Variants in ARSF observed in about 807,000 individuals in gnomAD.
The protein encoded by ARSF is arylsulfatase F.
Under a neutral mutation model 35.4 loss-of-function variants are expected in ARSF, and 33 were observed. The observed-to-expected ratio is 0.93, with a 90% CI of 0.71 to 1.25. The LOEUF (loss-of-function observed/expected upper bound fraction) is 1.25, where lower values mean the gene tolerates loss of function less well. Among genes scored for constraint, ARSF ranks in the 50% most tolerant of loss-of-function variants. The pLI is 0.00. For synonymous variants in ARSF, 222 were observed against 193.1 expected (o/e 1.15, Z -1.24); for missense variants, 501 against 480.2 (o/e 1.04, Z -0.40).
chrX:3,080,228 C>T (rs904469229), intron 4 of ARSF, among the ~76,000 whole-genome samples: 5 of 83,999 alleles, frequency 6.0e-5, no homozygotes, highest in Non-Finnish European at 1.2e-4. Flanking sequence ...GTAATCCCAG[C>T]ACTTTGGGAG....
At chrX:3,091,393 G>A (rs187235001) in intron 7 of ARSF, among the ~76,000 whole-genome samples, 20 of 112,523 alleles carry the variant, frequency 1.8e-4, no homozygotes, top group African/African-American at 6.4e-4. Flanking sequence ...TAAATGGGAC[G>A]TCCTAGGACT....
chrX:3,079,406 C>T (rs1363730287), intron 4 of ARSF, among the ~76,000 whole-genome samples: 3 of 101,791 alleles, frequency 2.9e-5, no homozygotes, highest in African/African-American at 7.3e-5. Flanking sequence ...AGTGCAATGG[C>T]GCAATCTCGG....
In ARSF at chrX:3,080,945, G is replaced by A; in HGVS notation, c.338G>A (p.Gly113Asp). 6 of 1,211,566 alleles carry A rather than the reference G, an allele frequency of 5.0e-6. No homozygotes were observed. The highest frequency in any genetic ancestry group is 6.7e-6 in the Non-Finnish European group (6 of 895,367). The change falls in exon 5 of 11, where the codon GGC becomes GAC. Residue 113 changes from glycine (G) to aspartate (D), a missense_variant. Transcript: ENST00000381127. ...RVIQNLAVPA[G>D]LPLNETTLAA... ...ATCCAAAATCTTGCAGTCCCCGCAGGCCTCCCTCTTAATGAGACAACACTT... is the reference window on the plus strand; with the variant it reads ...ATCCAAAATCTTGCAGTCCCCGCAGACCTCCCTCTTAATGAGACAACACTT...
intron 1 of ARSF, among the ~76,000 whole-genome samples, chrX:3,062,170 A>C (rs942675750): frequency 1.2e-4 from 14 of 112,399 alleles, no homozygotes; most frequent in Non-Finnish European, 2.4e-4. Context: ...GCTCAACTAC[A>C]TGGAAACTGA....
At chrX:3,071,883 T>C in intron 2 of ARSF, 143 bp from the exon 3 acceptor site, 1 of 581,518 alleles carries the variant, frequency 1.7e-6, no homozygotes, top group East Asian at 3.5e-5. Context: ...GCTCGGTGCT[T>C]GGAGAGAGAC....
At chrX:3,058,575 G>A in intron 1 of ARSF, 1 of 319,254 alleles carries the variant, frequency 3.1e-6, no homozygotes, top group Non-Finnish European at 6.1e-6. Context: ...AATCTAGGCT[G>A]GGCATGATGG....
chrX:3,048,599 C>T (rs2089984607), intron 1 of ARSF, among the ~76,000 whole-genome samples: 1 of 112,028 alleles, frequency 8.9e-6, no homozygotes, highest in Non-Finnish European at 1.9e-5. Flanking sequence ...TGAACTGAGC[C>T]CATGTATGTC....
chrX:3,081,059 T>C lies in ARSF; in HGVS notation c.406+46T>C, dbSNP rs376361045. ...TTAGTCATTGATCATAAGGTAATCA[T>C]GTCCTTTGTTCTACCCTTGATTTAT... On this transcript the variant is annotated intron_variant, in intron 5 of 10. Transcript: ENST00000381127. 187 of 1,188,429 alleles carry C rather than the reference T, an allele frequency of 1.6e-4. No individual in the cohort carries two copies. The African/African-American group carries it at 2.8e-3, about 18-fold the overall frequency.
intron 7 of ARSF, among the ~76,000 whole-genome samples, chrX:3,092,998 C>T (rs930355704): frequency 1.8e-5 from 2 of 110,819 alleles, no homozygotes; most frequent in African/African-American, 3.3e-5. Flanking sequence ...CTGTGAAACC[C>T]CGTCTCTACT....
At chrX:3,100,947 C>G in intron 7 of ARSF, 140 bp from the exon 8 acceptor site, 1 of 550,485 alleles carries the variant, frequency 1.8e-6, no homozygotes, top group East Asian at 3.8e-5. Flanking sequence ...ACTGTTAATG[C>G]ACATTTCTTT....
At position 3,110,219 on chromosome X, in the gene ARSF, C is replaced by T. The variant is rs17051478; in HGVS notation, c.1357C>T (p.Leu453=). 100,113 of 1,196,099 alleles carry T rather than the reference C, an allele frequency of 0.084. 3,783 individuals are homozygous for T. The highest frequency in any genetic ancestry group is 0.22 in the African/African-American group (12,516 of 56,894). The change falls in exon 10 of 11, where the codon CTG becomes TTG. Residue 453 remains leucine (L), a synonymous_variant. Transcript: ENST00000381127. ...TCTTTTCCACTACTGTGGCTCCTAC[C>T]TGCACGCCGTGCGGTGGATCCCCAA... ...EFLFHYCGSY[L]HAVRWIPKDD...
chrX:3,057,707 T>A (rs922645406), intron 1 of ARSF, among the ~76,000 whole-genome samples: 3 of 111,962 alleles, frequency 2.7e-5, no homozygotes, highest in Non-Finnish European at 5.6e-5. Context: ...TTGAAAGAAA[T>A]GCAAACTTTG....
At position 3,050,326 on chromosome X, in the gene ARSF, C is replaced by T. The variant is rs1262569379; in HGVS notation, c.-29+8663C>T. 1.4e-4 allele frequency among the ~76,000 whole-genome samples: 15 copies of T among 109,719 alleles called. No homozygotes were observed. The Admixed American group carries it at 1.4e-3, about 10-fold the overall frequency. The stretch of plus-strand genomic sequence containing the variant: ...TGGGAGGCCAAGGCAGGCGGATCAT[C>T]TGAGGTCAGGAGTTCGAGACCAGGC... On this transcript the variant is annotated intron_variant, in intron 1 of 10. Transcript: ENST00000381127.
chrX:3,043,277 A>C (rs138953678), intron 1 of ARSF, among the ~76,000 whole-genome samples: 2,327 of 112,354 alleles, frequency 0.021, 28 homozygotes, highest in Middle Eastern at 0.06. Context: ...CAGAACAGAA[A>C]ATCCAAGCAG....
chrX:3,080,842 C>G (rs373614892), intron 4 of ARSF, 49 bp from the exon 5 acceptor site: 1 of 1,194,558 alleles, frequency 8.4e-7, no homozygotes, highest in South Asian at 1.8e-5. Flanking sequence ...AAAAATATTC[C>G]CTCTGTAGCA....
chrX:3,101,362 A>G (rs2090375291), intron 8 of ARSF, 141 bp downstream of exon 8: 1 of 751,532 alleles, frequency 1.3e-6, no homozygotes. Flanking sequence ...AAAATGAAGT[A>G]TTGGACCAAG....
At chrX:3,051,451 C>G (rs149303464) in intron 1 of ARSF, among the ~76,000 whole-genome samples, 2 of 111,646 alleles carry the variant, frequency 1.8e-5, no homozygotes, top group Non-Finnish European at 3.8e-5. Flanking sequence ...GGATGTTAAC[C>G]GAAGCTAATG....
chrX:3,111,243 C>G (rs909475843), intron 10 of ARSF, among the ~76,000 whole-genome samples: 1 of 109,755 alleles, frequency 9.1e-6, no homozygotes, highest in Non-Finnish European at 1.9e-5. Flanking sequence ...TTATAAAAAT[C>G]AATTCTAGGC....
intron 5 of ARSF, among the ~76,000 whole-genome samples, chrX:3,082,677 T>C (rs747009505): frequency 8.9e-6 from 1 of 111,938 alleles, no homozygotes; most frequent in Non-Finnish European, 1.9e-5. Context: ...CACCTACATA[T>C]ACAAATATGC....
Sources: allele counts gnomAD v4.1 joint callset (sites outside exome capture counted in the v4.1 genomes callset), GRCh38; gene constraint gnomAD v4.1.1; transcripts MANE v1.5; gene names NCBI Gene and HGNC (gene_info 2026-07-23, HGNC 2026-07-21).